DDX60L: variants seen among roughly 807,000 people sequenced by gnomAD.
DDX60L encodes the protein DExD/H-box 60 like, also known as probable ATP-dependent RNA helicase DDX60-like.
DDX60L carries 191 observed loss-of-function variants against 211.6 expected under a neutral mutation model. The observed-to-expected ratio is 0.90, with a 90% CI of 0.80 to 1.02. DDX60L has a LOEUF of 1.02. Ranked by LOEUF, DDX60L falls within the 50% of genes least tolerant of loss-of-function variation. The pLI, the probability that DDX60L is intolerant of heterozygous loss-of-function variation, is 0.00. For missense variants in DDX60L, 2,007 were observed against 1,984.1 expected (o/e 1.01, Z -0.22); for synonymous variants, 706 against 694.1 (o/e 1.02, Z -0.27).
intron 6 of DDX60L, among the ~76,000 whole-genome samples, 195 bp downstream of exon 6, chr4:168,457,697 T>C (rs1756780508): frequency 1.3e-5 from 2 of 152,112 alleles, no homozygotes; most frequent in South Asian, 4.1e-4. Context: ...CGGAAATGAA[T>C]ATAAAATTAC....
At chr4:168,423,546 G>T in intron 15 of DDX60L, 62 bp downstream of exon 15, 1 of 1,163,176 alleles carries the variant, frequency 8.6e-7, no homozygotes, top group African/African-American at 1.7e-5. Context: ...AGACCTATTA[G>T]TTATTCTTCC....
chr4:168,401,780 G>A (rs1321049909), intron 25 of DDX60L, among the ~76,000 whole-genome samples: 7 of 152,252 alleles, frequency 4.6e-5, no homozygotes, highest in East Asian at 3.9e-4. Context: ...AACAGACTTC[G>A]AAAAGAAATC....
At chr4:168,384,864 T>A in intron 29 of DDX60L, 52 bp from the exon 30 acceptor site, 1 of 1,528,398 alleles carries the variant, frequency 6.5e-7, no homozygotes, top group Non-Finnish European at 8.9e-7. Flanking sequence ...AATTATCCTA[T>A]GAAGTCCAAA....
intron 5 of DDX60L, among the ~76,000 whole-genome samples, chr4:168,458,641 T>G (rs1304912181): frequency 6.6e-6 from 1 of 151,926 alleles, no homozygotes; most frequent in Non-Finnish European, 1.5e-5. Flanking sequence ...CAACACACAC[T>G]AGGGCCTGTT....
intron 7 of DDX60L, among the ~76,000 whole-genome samples, chr4:168,454,100 G>GCACAT (rs1318305587): frequency 6.6e-6 from 1 of 151,952 alleles, no homozygotes; most frequent in African/African-American, 2.4e-5. Flanking sequence ...CCCACCCACG[G>GCACAT]CACATCTTCA....
chr4:168,459,422 G>T (rs181375671), intron 5 of DDX60L, among the ~76,000 whole-genome samples: 1 of 152,158 alleles, frequency 6.6e-6, no homozygotes, highest in Non-Finnish European at 1.5e-5. Context: ...GCAAAATAGA[G>T]ACTTACTGGT....
At chr4:168,432,256 G>GTGTATA (rs1554011280) in intron 12 of DDX60L, among the ~76,000 whole-genome samples, 199 bp downstream of exon 12, 4 of 147,078 alleles carry the variant, frequency 2.7e-5, no homozygotes, top group African/African-American at 5.0e-5. Context: ...GTGTGTGTGT[G>GTGTATA]TATATATATA....
chr4:168,435,101 A>C (rs1460931412), intron 10 of DDX60L, among the ~76,000 whole-genome samples: 1 of 152,160 alleles, frequency 6.6e-6, no homozygotes, highest in Non-Finnish European at 1.5e-5. Context: ...CCCAACCCCC[A>C]ACCCCCAGTC....
At chr4:168,404,839 G>T (rs1337059065) in intron 24 of DDX60L, among the ~76,000 whole-genome samples, 1 of 151,914 alleles carries the variant, frequency 6.6e-6, no homozygotes, top group Non-Finnish European at 1.5e-5. Context: ...AATAGTTATG[G>T]CTATCATGAA....
At position 168,394,267 on chromosome 4, in the gene DDX60L, A is replaced by G. The variant is rs543066315; in HGVS notation, c.3810+198T>C. On this transcript the variant is annotated intron_variant, in intron 28 of 37. Coordinates refer to ENST00000682922, the MANE Select transcript of DDX60L (RefSeq NM_001012967.3). ...CCACAGCTATACTACTCCATTATAA[A>G]TATTATTTTTCAACGTAGAAATAAT... 5.3e-5 allele frequency among the ~76,000 whole-genome samples: 8 copies of G among 152,286 alleles called. No homozygotes were observed. The East Asian group carries it at 1.5e-3, about 29-fold the overall frequency.
chr4:168,426,602 A>C (rs542589008), intron 14 of DDX60L, among the ~76,000 whole-genome samples: 24 of 152,322 alleles, frequency 1.6e-4, no homozygotes, highest in Admixed American at 1.5e-3. Flanking sequence ...CTATACAAAC[A>C]CACTTAAAAA....
rs1275599115 is a variant in DDX60L at position 168,406,111 on chromosome 4, A to G, written c.3085-33T>C. The G allele has an allele frequency of 1.9e-6, 3 of 1,576,496 alleles. No homozygotes were observed. The African/African-American group carries it at 4.1e-5, about 22-fold the overall frequency. On this transcript the variant is annotated intron_variant, in intron 23 of 37. Transcript: ENST00000682922. ...GGAAAATTATCACAAAATTAAGCTA[A>G]GCTATGCAATCTATAGTAAGAAAAA...
intron 24 of DDX60L, 24 bp from the exon 25 acceptor site, chr4:168,404,130 T>TAA: frequency 3.2e-6 from 4 of 1,248,124 alleles, no homozygotes; most frequent in Non-Finnish European, 4.1e-6. Context: ...TAAAAATTAT[T>TAA]TAAAAAAAAA....
chr4:168,422,446 A>G (rs2149885422), intron 16 of DDX60L, 78 bp downstream of exon 16: 1 of 1,415,024 alleles, frequency 7.1e-7, no homozygotes, highest in Non-Finnish European at 9.5e-7. Context: ...TTTATGCAAA[A>G]TTTGACATGT....
Position 168,429,208 on chromosome 4 carries a change from G to A in DDX60L, c.1677+1270C>T, listed in dbSNP as rs954799082. On this transcript the variant is annotated intron_variant, in intron 13 of 37. Transcript: ENST00000682922. ...CACCAAGGCTGGAGTGCAGTGACAC[G>A]ATCTTGGCTCACTGCAACCTCCACC... Among the ~76,000 whole-genome samples the A allele has an allele frequency of 4.0e-5, 6 of 151,852 alleles. No individual in the cohort carries two copies. In the South Asian group the frequency reaches 1.2e-3, roughly 32 times the overall value.
chr4:168,399,830 C>T (rs1471413335), intron 26 of DDX60L, among the ~76,000 whole-genome samples: 2 of 152,094 alleles, frequency 1.3e-5, no homozygotes, highest in Non-Finnish European at 2.9e-5. Context: ...ATTGGTATGG[C>T]AATTCATTCT....
At position 168,422,599 on chromosome 4, in the gene DDX60L, C is replaced by T; in HGVS notation, c.2169G>A (p.Met723Ile). The change falls in exon 16 of 38, where the codon ATG (methionine) becomes ATA (isoleucine). Residue 723 changes from methionine (M) to isoleucine (I), a missense_variant. Coordinates refer to ENST00000682922, the MANE Select transcript of DDX60L (RefSeq NM_001012967.3). Reference protein sequence around the residue: ...IGPARFQLQYMGHYLIRDERK... With the variant: ...IGPARFQLQYIGHYLIRDERK... The stretch of plus-strand genomic sequence containing the variant: ...TTTCATCTCTTATCAAGTAATGGCC[C>T]ATGTATTGCAGTTGAAACCGAGCTG... The T allele has an allele frequency of 6.2e-7, 1 of 1,613,514 alleles. No homozygotes were observed. Among genetic ancestry groups the T allele is most frequent in the Non-Finnish European group, 8.5e-7 (1 of 1,179,682 alleles).
chr4:168,357,224 C>A lies in DDX60L; in HGVS notation c.*923G>T, dbSNP rs991006809. 6.6e-6 allele frequency: 1 copy of A among 152,104 alleles called. No individual in the cohort carries two copies. Among genetic ancestry groups the A allele is most frequent in the Non-Finnish European group, 1.5e-5 (1 of 68,008 alleles). 9.4% of individuals were successfully genotyped at this position (152,104 alleles called of 1,614,324 possible). A position where few individuals can be genotyped will look rare whatever the true frequency, so the allele number is the denominator to read the frequency against. On this transcript the variant is annotated 3_prime_UTR_variant, in exon 38 of 38. Coordinates refer to ENST00000682922, the MANE Select transcript of DDX60L (RefSeq NM_001012967.3). ...TTTAGAAATAAGAAAGTGTAGGGGA[C>A]TTAAACAAAATCTATCATTGCTATT...
rs201061008 is a variant in DDX60L, at chr4:168,415,641, A to C, written c.2869+16T>G. 3 of 1,523,792 alleles carry C rather than the reference A, an allele frequency of 2.0e-6. No homozygotes were observed. The highest frequency in any genetic ancestry group is 1.4e-5 in the African/African-American group (1 of 70,838). 94.4% of individuals were successfully genotyped at this position (1,523,792 alleles called of 1,614,324 possible). A position where few individuals can be genotyped will look rare whatever the true frequency, so the allele number is the denominator to read the frequency against. ...ATATAAAAATATATAGTAAAACATA[A>C]AAAAAATAAGCTTACCAAGTCTAAC... On this transcript the variant is annotated intron_variant, in intron 21 of 37. Transcript: ENST00000682922.
Sources: gnomAD v4.1 joint callset for allele counts (sites outside exome capture counted in the v4.1 genomes callset) on GRCh38, gnomAD v4.1.1 for gene constraint, MANE v1.5 for transcripts, NCBI Gene and HGNC (gene_info 2026-07-23, HGNC 2026-07-21) for gene names.